Variants in FRMD6 observed in about 807,000 individuals in gnomAD.
FRMD6 encodes the protein FERM domain-containing protein 6.
FRMD6 carries 37 observed loss-of-function variants against 73.2 expected under a neutral mutation model. The observed-to-expected ratio is 0.51, with a 90% CI of 0.39 to 0.66. The LOEUF (loss-of-function observed/expected upper bound fraction) is 0.66. FRMD6 is among the 30% of genes least tolerant of loss of function. The pLI is 0.00. For missense variants in FRMD6, 714 were observed against 780.5 expected (o/e 0.91, Z 1.02); for synonymous variants, 273 against 282.2 (o/e 0.97, Z 0.33).
intron 1 of FRMD6, among the ~76,000 whole-genome samples, chr14:51,570,116 A>T (rs1304406592): frequency 6.6e-6 from 1 of 152,038 alleles, no homozygotes; most frequent in Non-Finnish European, 1.5e-5. Flanking sequence ...CGCCCGGCCC[A>T]TGAGCCACCG....
At chr14:51,420,656 C>G in the FRMD6 span, among the ~76,000 whole-genome samples, 1 of 152,100 alleles carries the variant, frequency 6.6e-6, no homozygotes, top group Non-Finnish European at 1.5e-5. Flanking sequence ...CTAAACAATA[C>G]AGTGAAACAG....
the FRMD6 span, among the ~76,000 whole-genome samples, chr14:51,461,667 G>A: frequency 6.6e-6 from 1 of 152,208 alleles, no homozygotes; most frequent in Non-Finnish European, 1.5e-5. Flanking sequence ...GGCCCCAACA[G>A]GTGAGAACCA....
At chr14:51,677,638 A>T (rs1894487159) in intron 1 of FRMD6, among the ~76,000 whole-genome samples, 1 of 151,968 alleles carries the variant, frequency 6.6e-6, no homozygotes, top group African/African-American at 2.4e-5. Flanking sequence ...GAATTTTACC[A>T]TTGCCTTTGT....
chr14:51,628,799 TCAAAA>T (rs1891215834), intron 2 of FRMD6, among the ~76,000 whole-genome samples: 2 of 9,338 alleles, frequency 2.1e-4, no homozygotes, highest in Non-Finnish European at 4.5e-4. Flanking sequence ...AGACTCTGTC[TCAAAA>T]AAAAAAAAAA....
chr14:51,482,564 G>T, the FRMD6 span, among the ~76,000 whole-genome samples: 1 of 152,126 alleles, frequency 6.6e-6, no homozygotes, highest in Non-Finnish European at 1.5e-5. Flanking sequence ...ATTCAGGAAA[G>T]CCGCAAAAAT....
chr14:51,399,703 CTCTA>C, the FRMD6 span, among the ~76,000 whole-genome samples: 1 of 152,104 alleles, frequency 6.6e-6, no homozygotes, highest in African/African-American at 2.4e-5. Flanking sequence ...AAGTGTTTCT[CTCTA>C]TCTAAGAGAG....
intron 1 of FRMD6, among the ~76,000 whole-genome samples, chr14:51,514,602 C>G (rs1010005512): frequency 6.6e-6 from 1 of 152,208 alleles, no homozygotes; most frequent in African/African-American, 2.4e-5. Context: ...AATCCCAGCA[C>G]TTTAGGAGGC....
rs969104507 is a variant in FRMD6 at position 51,725,853 on chromosome 14, A to G, written c.1567A>G (p.Thr523Ala). The change falls in exon 13 of 14, where the codon ACT becomes GCT. Residue 523 changes from threonine (T) to alanine (A), a missense_variant. Physicochemically the swap from Thr to Ala is moderately conservative, Grantham distance 58. Transcript: ENST00000344768. ...AGTTGTTAAGCTTCGTGGCCAGAGT[A>G]CTGATTCTCTTCCACAGGTATTAAA... ...ETVVKLRGQS[T>A]DSLPQTICRK... The G allele has an allele frequency of 5.6e-6, 9 of 1,613,044 alleles. No homozygotes were observed. The African/African-American group carries it at 1.2e-4, about 22-fold the overall frequency.
chr14:51,422,157 C>T, the FRMD6 span, among the ~76,000 whole-genome samples: 2 of 152,128 alleles, frequency 1.3e-5, no homozygotes, highest in Non-Finnish European at 2.9e-5. Flanking sequence ...ATATCATCAT[C>T]ATAAAGCCGA....
intron 2 of FRMD6, among the ~76,000 whole-genome samples, chr14:51,594,519 G>T (rs1486319317): frequency 6.6e-6 from 1 of 151,504 alleles, no homozygotes; most frequent in African/African-American, 2.4e-5. Flanking sequence ...GGTAGAGATG[G>T]GGTTTCTCCA....
chr14:51,413,395 T>C, the FRMD6 span, among the ~76,000 whole-genome samples: 2 of 152,158 alleles, frequency 1.3e-5, no homozygotes, highest in Non-Finnish European at 2.9e-5. Flanking sequence ...CACCTATGAG[T>C]GAGAACATGC....
chr14:51,700,230 A>G (rs930733794), intron 3 of FRMD6, among the ~76,000 whole-genome samples: 3 of 152,060 alleles, frequency 2.0e-5, no homozygotes, highest in African/African-American at 7.2e-5. Context: ...AACTTTGTAC[A>G]GTATAGGAAT....
At chr14:51,490,648 A>G (rs1882945668) in intron 1 of FRMD6, among the ~76,000 whole-genome samples, 1 of 112,532 alleles carries the variant, frequency 8.9e-6, no homozygotes, top group South Asian at 2.7e-4. Flanking sequence ...AAAATGCGAA[A>G]TTTCTTCTTT....
chr14:51,557,264 A>G (rs1371543140), intron 1 of FRMD6, among the ~76,000 whole-genome samples: 3 of 149,090 alleles, frequency 2.0e-5, no homozygotes, highest in Admixed American at 6.9e-5. Context: ...ATATATATAT[A>G]TATACACACA....
chr14:51,526,011 A>G (rs565120214), intron 1 of FRMD6, among the ~76,000 whole-genome samples: 1 of 152,322 alleles, frequency 6.6e-6, no homozygotes, highest in African/African-American at 2.4e-5. Context: ...AAGGAGTGAC[A>G]TCTATTCTGG....
At chr14:51,447,133 A>G in the FRMD6 span, among the ~76,000 whole-genome samples, 1 of 152,220 alleles carries the variant, frequency 6.6e-6, no homozygotes, top group Non-Finnish European at 1.5e-5. Flanking sequence ...AACTCCTTGC[A>G]TTTCCATGGC....
chr14:51,674,368 A>G (rs1279723785), intron 1 of FRMD6, among the ~76,000 whole-genome samples: 1 of 152,118 alleles, frequency 6.6e-6, no homozygotes, highest in African/African-American at 2.4e-5. Context: ...ATTGTAGGCA[A>G]TATATAGTCT....
At chr14:51,491,723 C>T (rs1228686680) in intron 1 of FRMD6, among the ~76,000 whole-genome samples, 5 of 152,154 alleles carry the variant, frequency 3.3e-5, no homozygotes, top group Non-Finnish European at 7.4e-5. Context: ...TCTAAGTGCC[C>T]GACTCCAAAG....
the FRMD6 span, among the ~76,000 whole-genome samples, chr14:51,400,115 G>C: frequency 6.6e-6 from 1 of 151,332 alleles, no homozygotes; most frequent in African/African-American, 2.4e-5. Context: ...TTTCTTTGTG[G>C]TAAGAACATT....
Sources: gnomAD v4.1 joint callset for allele counts (sites outside exome capture counted in the v4.1 genomes callset) on GRCh38, gnomAD v4.1.1 for gene constraint, MANE v1.5 for transcripts, NCBI Gene and HGNC (gene_info 2026-07-23, HGNC 2026-07-21) for gene names.